TP73: variants seen among roughly 807,000 people sequenced by gnomAD.
TP73 encodes the protein p53-like transcription factor.
In TP73, 25 loss-of-function variants were observed where a neutral mutation model predicts 62.5. The observed-to-expected ratio is 0.40, with a 90% confidence interval of 0.29 to 0.56. The LOEUF (loss-of-function observed/expected upper bound fraction) is 0.56. Among genes scored for constraint, TP73 ranks in the 20% least tolerant of loss-of-function variants. The pLI, the probability that TP73 is intolerant of heterozygous loss-of-function variation, is 0.46. For synonymous variants in TP73, 423 were observed against 377.5 expected (o/e 1.12, Z -1.40); for missense variants, 754 against 913.3 (o/e 0.83, Z 2.25).
chr1:3,696,383 G>T lies in TP73; in HGVS notation c.187-11166G>T, dbSNP rs1318888343. 6.6e-6 allele frequency among the ~76,000 whole-genome samples: 1 copy of T among 152,132 alleles called. No homozygotes were observed. The highest frequency in any genetic ancestry group is 1.5e-5 in the Non-Finnish European group (1 of 68,036). On this transcript the variant is annotated intron_variant, in intron 3 of 13. Coordinates refer to ENST00000378295, the MANE Select transcript of TP73 (RefSeq NM_005427.4). The surrounding 1 kb of genome is among the most constrained non-coding windows in gnomAD (Gnocchi z 4.1). ...GGGCCACACTGGCAGGAGCGGCCAT[G>T]TGGACACTCAGTTGCTGGTGTGGGC...
intron 4 of TP73, among the ~76,000 whole-genome samples, chr1:3,716,167 C>A (rs910683808): frequency 6.6e-6 from 1 of 152,200 alleles, no homozygotes. Flanking sequence ...CTGAGGATCG[C>A]TTGGCATCTG....
intron 9 of TP73, 102 bp downstream of exon 9, chr1:3,728,319 G>A (rs982151296): frequency 8.2e-7 from 1 of 1,217,306 alleles, no homozygotes; most frequent in African/African-American, 1.5e-5. Flanking sequence ...GACCATGGTG[G>A]AGGGGGCGGG....
At chr1:3,702,267 C>A (rs1394331467) in intron 3 of TP73, among the ~76,000 whole-genome samples, 12 of 152,266 alleles carry the variant, frequency 7.9e-5, no homozygotes, top group African/African-American at 2.9e-4. Context: ...CAGGCGGGAC[C>A]CTCCACAGCC....
intron 7 of TP73, 143 bp from the exon 8 acceptor site, chr1:3,727,485 A>G: frequency 8.1e-7 from 1 of 1,237,026 alleles, no homozygotes; most frequent in Non-Finnish European, 1.1e-6. Flanking sequence ...TCTAGCGGGA[A>G]CACTCGCTGC....
At chr1:3,655,121 C>T (rs560308384) in intron 1 of TP73, among the ~76,000 whole-genome samples, 1 of 152,316 alleles carries the variant, frequency 6.6e-6, no homozygotes, top group South Asian at 2.1e-4. Context: ...GCGCCGTGGC[C>T]CACGCCTGTA....
chr1:3,690,474 G>A (rs60033255), intron 3 of TP73, among the ~76,000 whole-genome samples: 1,978 of 152,268 alleles, frequency 0.013, 53 homozygotes, highest in African/African-American at 0.044. Flanking sequence ...GGGGCCCCCC[G>A]AGCCTTCCCC....
rs573055158 is a variant in TP73, at chr1:3,707,295, C to T, written c.187-254C>T. ...CTCCAGGTGTGCAGAGAGTCTATTC[C>T]GCCTCATCAACGGCTGGGTGGATCC... is the stretch of plus-strand genomic sequence containing the variant. On this transcript the variant is annotated intron_variant, in intron 3 of 13. Transcript: ENST00000378295. Among the ~76,000 whole-genome samples the T allele has an allele frequency of 4.5e-4, 69 of 152,304 alleles. 1 individual carries two copies. The South Asian group carries it at 6.8e-3, about 15-fold the overall frequency.
intron 11 of TP73, 126 bp from the exon 12 acceptor site, chr1:3,730,801 C>A: frequency 7.8e-7 from 1 of 1,281,364 alleles, no homozygotes; most frequent in South Asian, 1.5e-5. Flanking sequence ...AGGGGTGATG[C>A]CCAGCGTCAC....
At chr1:3,702,205 C>G (rs1484935873) in intron 3 of TP73, among the ~76,000 whole-genome samples, 2 of 152,162 alleles carry the variant, frequency 1.3e-5, no homozygotes, top group African/African-American at 4.8e-5. Context: ...GGGCTGAGCT[C>G]TGGCCTCCCC....
At chr1:3,724,266 C>T (rs1209667052) in intron 6 of TP73, among the ~76,000 whole-genome samples, 1 of 152,052 alleles carries the variant, frequency 6.6e-6, no homozygotes, top group Non-Finnish European at 1.5e-5. Flanking sequence ...TACCAGGCCC[C>T]CAGGGGAAGG....
chr1:3,707,308 G>T (rs749092160), intron 3 of TP73, among the ~76,000 whole-genome samples: 2 of 152,210 alleles, frequency 1.3e-5, no homozygotes, highest in African/African-American at 2.4e-5. Context: ...CTCATCAACG[G>T]CTGGGTGGAT....
chr1:3,704,698 C>CA (rs1284868066), intron 3 of TP73, among the ~76,000 whole-genome samples: 1 of 152,194 alleles, frequency 6.6e-6, no homozygotes, highest in East Asian at 1.9e-4. Context: ...AAGCAGGTCT[C>CA]AGACACCTCA....
intron 1 of TP73, among the ~76,000 whole-genome samples, chr1:3,680,783 A>T (rs1645501048): frequency 6.6e-6 from 1 of 152,192 alleles, no homozygotes; most frequent in South Asian, 2.1e-4. Context: ...TGCGGTCCCC[A>T]TGCACACCCT....
intron 3 of TP73, among the ~76,000 whole-genome samples, chr1:3,693,587 C>A (rs904522909): frequency 6.6e-6 from 1 of 152,252 alleles, no homozygotes; most frequent in Non-Finnish European, 1.5e-5. Context: ...TTCACCGTAG[C>A]TGCTCGGCTG....
At chr1:3,712,263 T>G (rs1640212838) in intron 4 of TP73, 1 of 152,166 alleles carries the variant, frequency 6.6e-6, no homozygotes, top group Non-Finnish European at 1.5e-5. Flanking sequence ...CAAGAGTACT[T>G]AGGGCGAAAT....
chr1:3,690,775 G>A (rs569554766), intron 3 of TP73: 66 of 1,490,870 alleles, frequency 4.4e-5, no homozygotes, highest in East Asian at 1.3e-4. Context: ...CACTAGCTGC[G>A]GAGCCTCTCC....
intron 11 of TP73, among the ~76,000 whole-genome samples, chr1:3,730,483 T>C (rs1642046327): frequency 6.6e-6 from 1 of 152,126 alleles, no homozygotes; most frequent in Admixed American, 6.5e-5. Context: ...GGCTCACTCC[T>C]TGTGAGGAAT....
intron 13 of TP73, among the ~76,000 whole-genome samples, chr1:3,732,213 GCAGA>G (rs920123841): frequency 6.6e-6 from 1 of 152,238 alleles, no homozygotes; most frequent in Non-Finnish European, 1.5e-5. Flanking sequence ...GCCTGGGGCT[GCAGA>G]CAGAGATGAG....
In TP73 at chr1:3,719,385, G is replaced by A. The variant is rs559061663; in HGVS notation, c.430-2636G>A. Among the ~76,000 whole-genome samples, 11 of 152,344 alleles carry A rather than the reference G, an allele frequency of 7.2e-5. No homozygotes were observed. The South Asian group carries it at 1.4e-3, about 20-fold the overall frequency. On this transcript the variant is annotated intron_variant, in intron 4 of 13. Coordinates refer to ENST00000378295, the MANE Select transcript of TP73 (RefSeq NM_005427.4). ...TGGCCTCGGAGAAGCCTGGCGACAC[G>A]GCTGCCGGCCCTGTGTTCCTCTCCC...
Sources: gnomAD v4.1 joint callset for allele counts (sites outside exome capture counted in the v4.1 genomes callset) on GRCh38, gnomAD v4.1.1 for gene constraint, Gnocchi (gnomAD v3.1) non-coding constraint, MANE v1.5 for transcripts, NCBI Gene and HGNC (gene_info 2026-07-23, HGNC 2026-07-21) for gene names.